Variants in PLCB1 observed in about 807,000 individuals in gnomAD.
PLCB1 encodes 1-phosphatidylinositol 4,5-bisphosphate phosphodiesterase beta-1.
In PLCB1, 46 loss-of-function variants were observed where a neutral mutation model predicts 161.8. The observed-to-expected ratio is 0.28, with a 90% CI of 0.22 to 0.36. The LOEUF (loss-of-function observed/expected upper bound fraction) is 0.36, where lower values mean the gene tolerates loss of function less well. Among genes scored for constraint, PLCB1 ranks in the 10% least tolerant of loss-of-function variants. The probability of loss-of-function intolerance (pLI) is 1.00; values close to 1 mark genes in which losing one functional copy is unlikely to be tolerated. For missense variants in PLCB1, 1,016 were observed against 1,472.5 expected, an observed-to-expected ratio of 0.69 and a Z score of 5.07; for synonymous variants, 517 against 503.7, an observed-to-expected ratio of 1.03 and a Z score of -0.35.
chr20:8,357,098 G>A (rs981383652), intron 2 of PLCB1, among the ~76,000 whole-genome samples: 2 of 152,116 alleles, frequency 1.3e-5, no homozygotes, highest in African/African-American at 2.4e-5. Flanking sequence ...CTATGTTAAG[G>A]ATTTATGAAT....
intron 3 of PLCB1, among the ~76,000 whole-genome samples, chr20:8,473,462 C>T (rs2122722134): frequency 6.6e-6 from 1 of 152,254 alleles, no homozygotes; most frequent in Non-Finnish European, 1.5e-5. Flanking sequence ...TCTCAATTTA[C>T]AAAACAAATA....
chr20:8,426,206 G>A (rs759331521), intron 3 of PLCB1, among the ~76,000 whole-genome samples: 1 of 152,194 alleles, frequency 6.6e-6, no homozygotes. Context: ...TTCACTAAGG[G>A]CCAACTCCTT....
chr20:8,483,872 A>G (rs2327072), intron 3 of PLCB1, among the ~76,000 whole-genome samples: 75,335 of 152,028 alleles, frequency 0.5, 19,492 homozygotes, highest in East Asian at 0.66. Flanking sequence ...GATAAAATAA[A>G]TGTTGGTACT....
chr20:8,428,286 T>TCTCGGCTCACTGCAAC (rs1979878346), intron 3 of PLCB1, among the ~76,000 whole-genome samples: 1 of 152,058 alleles, frequency 6.6e-6, no homozygotes, highest in South Asian at 2.1e-4. Flanking sequence ...AGTGGTGCAA[T>TCTCGGCTCACTGCAAC]CTCGGCTCAC....
intron 3 of PLCB1, among the ~76,000 whole-genome samples, chr20:8,548,215 TTCCTTCCTTCCTTCCC>T: frequency 6.9e-6 from 1 of 145,304 alleles, no homozygotes; most frequent in African/African-American, 2.5e-5. Context: ...CTTTCCTTCC[TTCCTTCCTTCCTTCCC>T]TCCCTCCCCT....
At chr20:8,649,765 C>T (rs1248024935) in intron 7 of PLCB1, 1 of 353,748 alleles carries the variant, frequency 2.8e-6, no homozygotes, top group African/African-American at 2.0e-5. Flanking sequence ...CTTGGACTTC[C>T]CAGCCTTTGT....
intron 2 of PLCB1, among the ~76,000 whole-genome samples, chr20:8,192,532 C>A (rs2051981143): frequency 6.6e-6 from 1 of 150,906 alleles, no homozygotes; most frequent in Non-Finnish European, 1.5e-5. Context: ...TTTAAGAATG[C>A]AACATCATCT....
intron 3 of PLCB1, among the ~76,000 whole-genome samples, chr20:8,384,939 C>T (rs977959100): frequency 1.3e-5 from 2 of 152,166 alleles, no homozygotes; most frequent in South Asian, 2.1e-4. Context: ...GGGCACCAAC[C>T]TGATGCGAGT....
rs764250569 is a variant in PLCB1, at chr20:8,722,377, G to A, written c.1537G>A (p.Asp513Asn). 58 of 1,611,372 alleles carry A rather than the reference G, an allele frequency of 3.6e-5. No homozygotes were observed. The highest frequency in any genetic ancestry group is 1.8e-4 in the East Asian group (8 of 44,678). Residue 513 changes from aspartate to asparagine, a missense_variant, in exon 15 of 32, where the codon GAC becomes AAC. Asp to Asn is a conservative substitution (Grantham distance 23, BLOSUM62 1). This residue lies in a region of PLCB1 where 109 missense variants were observed against 129.7 expected (regional missense o/e 0.84). Transcript: ENST00000338037. ...GAGEADTESDDDDDDDDCKKS... is the reference protein window; with the variant it reads ...GAGEADTESDNDDDDDDCKKS... ...AGGAGAAGCTGATACGGAAAGTGAC[G>A]ACGACGATGATGATGATGACTGTAA... is the stretch of plus-strand genomic sequence containing the variant.
intron 3 of PLCB1, among the ~76,000 whole-genome samples, chr20:8,386,387 C>G (rs1326631210): frequency 6.6e-6 from 1 of 152,112 alleles, no homozygotes; most frequent in East Asian, 1.9e-4. Flanking sequence ...CATCAGAGCT[C>G]TTTTGTGGCC....
chr20:8,717,518 T>C (rs925598326), intron 13 of PLCB1, among the ~76,000 whole-genome samples, 153 bp from the exon 14 acceptor site: 4 of 152,078 alleles, frequency 2.6e-5, no homozygotes, highest in Admixed American at 2.6e-4. Flanking sequence ...AAAAATTAGC[T>C]CCCATGTAAG....
At chr20:8,678,375 G>A (rs1990137862) in intron 9 of PLCB1, among the ~76,000 whole-genome samples, 2 of 152,110 alleles carry the variant, frequency 1.3e-5, no homozygotes, top group African/African-American at 4.8e-5. Context: ...TTTCATGGTG[G>A]TAAGTCAAAA....
chr20:8,860,164 A>G (rs1987205621), intron 31 of PLCB1, among the ~76,000 whole-genome samples: 1 of 152,234 alleles, frequency 6.6e-6, no homozygotes, highest in Non-Finnish European at 1.5e-5. Flanking sequence ...ATCCTTGCAG[A>G]TAATCCCTGC....
chr20:8,555,675 A>T (rs1985928486), intron 3 of PLCB1, among the ~76,000 whole-genome samples: 1 of 152,144 alleles, frequency 6.6e-6, no homozygotes, highest in Admixed American at 6.6e-5. Flanking sequence ...GTTAATGATA[A>T]GGTAAAGCCA....
chr20:8,729,000 T>C (rs1160758019), intron 17 of PLCB1, 50 bp from the exon 18 acceptor site: 1 of 1,329,492 alleles, frequency 7.5e-7, no homozygotes. Flanking sequence ...GTTACTATTA[T>C]TGACTAAATA....
chr20:8,498,681 TA>T (rs1366249329), intron 3 of PLCB1, among the ~76,000 whole-genome samples: 1 of 152,182 alleles, frequency 6.6e-6, no homozygotes, highest in East Asian at 1.9e-4. Flanking sequence ...TTTTGTTGCA[TA>T]AATTACCCCC....
intron 2 of PLCB1, among the ~76,000 whole-genome samples, chr20:8,242,682 G>A (rs887986311): frequency 2.6e-5 from 4 of 151,952 alleles, no homozygotes; most frequent in Admixed American, 6.6e-5. Context: ...AATTGCTGAG[G>A]ATGCAAGAAG....
At chr20:8,261,588 CTGGGAGAGTATAACTAGAAAATTTA>C (rs1981702101) in intron 2 of PLCB1, among the ~76,000 whole-genome samples, 1 of 152,084 alleles carries the variant, frequency 6.6e-6, no homozygotes, top group Admixed American at 6.6e-5. Flanking sequence ...ACCAGGGGAT[CTGGGAGAGTATAACTAGAAAATTTA>C]TGGAGACTTT....
intron 3 of PLCB1, among the ~76,000 whole-genome samples, chr20:8,592,137 C>T (rs1242285491): frequency 2.6e-5 from 4 of 152,206 alleles, no homozygotes; most frequent in Admixed American, 2.6e-4. Context: ...TGTGTCACTA[C>T]ACTATCTCAA....
Sources: gnomAD v4.1 joint callset for allele counts (sites outside exome capture counted in the v4.1 genomes callset) on GRCh38, gnomAD v4.1.1 for gene constraint, gnomAD v4.1.1 regional missense constraint, MANE v1.5 for transcripts, NCBI Gene and HGNC (gene_info 2026-07-23, HGNC 2026-07-21) for gene names.